The following ADGRL2 variants were observed in gnomAD, a reference collection of about 807,000 sequenced individuals.
ADGRL2 encodes the protein calcium-independent alpha-latrotoxin receptor 2.
ADGRL2 carries 44 observed loss-of-function variants against 157.4 expected under a neutral mutation model. The ratio of observed to expected loss-of-function variants is 0.28; its 90% CI spans 0.22 to 0.36. The LOEUF (loss-of-function observed/expected upper bound fraction) is 0.36, where lower values mean the gene tolerates loss of function less well. Among genes scored for constraint, ADGRL2 ranks in the 10% least tolerant of loss-of-function variants. The pLI is 1.00. For synonymous variants in ADGRL2, 585 were observed against 624.7 expected (o/e 0.94, Z 0.95); for missense variants, 1,510 against 1,768.9 (o/e 0.85, Z 2.63).
intron 2 of ADGRL2, among the ~76,000 whole-genome samples, chr1:81,851,950 G>T (rs2093027370): frequency 6.6e-6 from 1 of 151,810 alleles, no homozygotes; most frequent in South Asian, 2.1e-4. Flanking sequence ...TTTTGAAGAG[G>T]AAAGCATCTG....
At chr1:81,406,857 T>C (rs1266227878) in intron 1 of ADGRL2, among the ~76,000 whole-genome samples, 3 of 152,176 alleles carry the variant, frequency 2.0e-5, no homozygotes, top group Non-Finnish European at 4.4e-5. Context: ...AGGCAAATGC[T>C]GCAGAATCCT....
At chr1:81,621,303 C>T (rs933589387) in intron 3 of ADGRL2, among the ~76,000 whole-genome samples, 1 of 152,084 alleles carries the variant, frequency 6.6e-6, no homozygotes, top group Non-Finnish European at 1.5e-5. Context: ...GTCTCCATGC[C>T]CCAGTGTTAC....
At chr1:81,738,446 T>C (rs1325676303) in intron 1 of ADGRL2, among the ~76,000 whole-genome samples, 1 of 152,142 alleles carries the variant, frequency 6.6e-6, no homozygotes, top group Admixed American at 6.5e-5. Context: ...TTCCACAAAT[T>C]TCTAGAGGTA....
chr1:81,382,985 C>T lies in ADGRL2; in HGVS notation c.-301-62051C>T, dbSNP rs72713449. Among the ~76,000 whole-genome samples, 1,310 of 151,458 alleles carry T rather than the reference C, an allele frequency of 8.6e-3. 9 individuals carry two copies. Among genetic ancestry groups the T allele is most frequent in the Non-Finnish European group, 0.013 (906 of 67,842 alleles). ...TGCCTAGCATTTACAATTGTCCATG[C>T]GTTCATTCAGACTTGTATGTGTTAA... On this transcript the variant is annotated intron_variant, in intron 1 of 24. Transcript: ENST00000370721.
At chr1:81,826,163 C>T (rs1198517783) in intron 1 of ADGRL2, among the ~76,000 whole-genome samples, 33 of 152,132 alleles carry the variant, frequency 2.2e-4, no homozygotes, top group Admixed American at 5.9e-4. Context: ...TGTATCCATG[C>T]ATACATGCAC....
intron 2 of ADGRL2, among the ~76,000 whole-genome samples, chr1:81,490,687 A>G (rs769478378): frequency 1.4e-4 from 21 of 152,184 alleles, no homozygotes; most frequent in Non-Finnish European, 1.3e-4. Context: ...AGCAACTGCA[A>G]CTCACACACA....
chr1:81,982,847 G>A (rs1229596502), intron 19 of ADGRL2, among the ~76,000 whole-genome samples: 1 of 151,930 alleles, frequency 6.6e-6, no homozygotes, highest in Non-Finnish European at 1.5e-5. Flanking sequence ...AACCAACACT[G>A]GAAGGTATTA....
At chr1:81,582,682 AATG>A (rs2080940347) in intron 3 of ADGRL2, among the ~76,000 whole-genome samples, 1 of 152,170 alleles carries the variant, frequency 6.6e-6, no homozygotes, top group South Asian at 2.1e-4. Flanking sequence ...CCAATTTGCC[AATG>A]ATGTCAGCAA....
At chr1:81,928,507 CT>C (rs2095159628) in intron 3 of ADGRL2, among the ~76,000 whole-genome samples, 1 of 151,974 alleles carries the variant, frequency 6.6e-6, no homozygotes, top group Admixed American at 6.6e-5. Context: ...TTGGCAGCTT[CT>C]TTTTTCTTTT....
At chr1:81,702,035 G>A (rs1325611866) in intron 1 of ADGRL2, among the ~76,000 whole-genome samples, 1 of 152,170 alleles carries the variant, frequency 6.6e-6, no homozygotes, top group Non-Finnish European at 1.5e-5. Flanking sequence ...TAAGATGAAG[G>A]AAGCTACCTC....
rs535596401 is a variant in ADGRL2 at position 81,437,604 on chromosome 1, T to C, written c.-301-7432T>C. On this transcript the variant is annotated intron_variant, in intron 1 of 24. Coordinates refer to the ADGRL2 transcript ENST00000370721. ...ATAATTGCCCTTCCCATTTCTTTGA[T>C]AATTGCCCTCTCTATTATCATTTAT... Among the ~76,000 whole-genome samples, 5 of 152,330 alleles carry C rather than the reference T, an allele frequency of 3.3e-5. No individual in the cohort carries two copies. The East Asian group carries it at 9.6e-4, about 29-fold the overall frequency.
chr1:81,988,176 CTT>C, intron 23 of ADGRL2, among the ~76,000 whole-genome samples: 1 of 152,100 alleles, frequency 6.6e-6, no homozygotes. Context: ...TAATAATTGA[CTT>C]ATCATTTCTG....
rs1391950591 is a variant in ADGRL2, at chr1:81,993,922, CTTG to C, written c.*2781_*2783del. On this transcript the variant is annotated 3_prime_UTR_variant, in exon 24 of 24. Coordinates refer to ENST00000686636, the MANE Select transcript of ADGRL2 (RefSeq NM_001366006.2). ...TAATAATAATAATAATAAACGTTATCTTGTTGGCCAGACTGGTCTCCAACTCCT... is the reference window on the plus strand; with the variant it reads ...TAATAATAATAATAATAAACGTTATCTTGGCCAGACTGGTCTCCAACTCCT... 1.3e-5 allele frequency: 3 copies of C among 228,698 alleles called. No individual in the cohort carries two copies. The highest frequency in any genetic ancestry group is 7.0e-5 in the African/African-American group (3 of 42,810). 14.2% of individuals were successfully genotyped at this position (228,698 alleles called of 1,614,324 possible).
chr1:81,439,941 TA>T (rs1364059024), intron 1 of ADGRL2, among the ~76,000 whole-genome samples: 1 of 152,204 alleles, frequency 6.6e-6, no homozygotes, highest in Non-Finnish European at 1.5e-5. Flanking sequence ...AAAATGGCTC[TA>T]AAAGGCTGTC....
intron 1 of ADGRL2, among the ~76,000 whole-genome samples, chr1:81,390,606 C>T (rs1291208074): frequency 6.6e-6 from 1 of 152,274 alleles, no homozygotes; most frequent in African/African-American, 2.4e-5. Flanking sequence ...ATTGCATATT[C>T]TTCCAGAATT....
At chr1:81,349,973 T>G (rs929775382) in intron 1 of ADGRL2, among the ~76,000 whole-genome samples, 1 of 152,142 alleles carries the variant, frequency 6.6e-6, no homozygotes, top group Non-Finnish European at 1.5e-5. Context: ...TTTATCATTT[T>G]TTTTCCCCTG....
Position 81,943,464 on chromosome 1 carries a change from T to A in ADGRL2, c.905T>A (p.Phe302Tyr). 1 of 1,613,768 alleles carries A rather than the reference T, an allele frequency of 6.2e-7. No individual in the cohort carries two copies. The highest frequency in any genetic ancestry group is 1.1e-5 in the South Asian group (1 of 91,082). Residue 302 changes from phenylalanine (F) to tyrosine (Y), a missense_variant, in exon 6 of 24, where the codon TTT becomes TAT. Coordinates refer to ENST00000686636, the MANE Select transcript of ADGRL2 (RefSeq NM_001366006.2). The surrounding 1 kb of genome is among the most constrained non-coding windows in gnomAD (Gnocchi z 5.6). ...CAGCTGAATCCATACACTCTTCGAT[T>A]TGAAGCAACGTGGGAGACTGTATAC... ...ISQLNPYTLRFEATWETVYDK... is the reference protein window; with the variant it reads ...ISQLNPYTLRYEATWETVYDK...
At chr1:81,475,048 G>T (rs182879307) in intron 2 of ADGRL2, among the ~76,000 whole-genome samples, 1 of 152,128 alleles carries the variant, frequency 6.6e-6, no homozygotes, top group Non-Finnish European at 1.5e-5. Context: ...ATCACAATTC[G>T]TTCCTTAGGC....
At chr1:81,631,955 A>C (rs1034514461) in intron 3 of ADGRL2, among the ~76,000 whole-genome samples, 1 of 152,192 alleles carries the variant, frequency 6.6e-6, no homozygotes, top group Non-Finnish European at 1.5e-5. Context: ...GTTGGCTCTG[A>C]GATTTCCTAT....
Sources: allele counts gnomAD v4.1 joint callset (sites outside exome capture counted in the v4.1 genomes callset), GRCh38; gene constraint gnomAD v4.1.1; non-coding constraint Gnocchi (gnomAD v3.1); transcripts MANE v1.5; gene names NCBI Gene and HGNC (gene_info 2026-07-23, HGNC 2026-07-21).